TTLL8: variants seen among roughly 807,000 people sequenced by gnomAD.
TTLL8 encodes tubulin tyrosine ligase like 8.
A neutral mutation model predicts 77.8 loss-of-function variants in TTLL8; 65 were observed. The observed-to-expected ratio is 0.84, with a 90% CI of 0.68 to 1.03. TTLL8 has a LOEUF of 1.03. Ranked by LOEUF, TTLL8 falls within the 50% of genes least tolerant of loss-of-function variation. The probability of loss-of-function intolerance (pLI) is 0.00; values close to 1 mark genes in which losing one functional copy is unlikely to be tolerated. For missense variants in TTLL8, 910 were observed against 1,004.5 expected (o/e 0.91, Z 1.27); for synonymous variants, 402 against 422.8 (o/e 0.95, Z 0.60).
chr22:50,030,192 C>A (rs1453108919), intron 12 of TTLL8: 1 of 985,304 alleles, frequency 1.0e-6, no homozygotes, highest in Non-Finnish European at 1.2e-6. Flanking sequence ...GGGACCCCAC[C>A]ATCCACCTGG....
At chr22:50,047,329 C>A (rs1420212369) in intron 3 of TTLL8, 33 bp from the exon 6 acceptor site, 1 of 1,364,226 alleles carries the variant, frequency 7.3e-7, no homozygotes, top group Middle Eastern at 2.1e-4. Flanking sequence ...TGATGCCCAG[C>A]ATTCAAGGTT....
Position 50,048,674 on chromosome 22 carries a change from T to C in TTLL8, c.264+575A>G, listed in dbSNP as rs990983515. Among the ~76,000 whole-genome samples the C allele has an allele frequency of 2.6e-5, 4 of 152,340 alleles. No homozygotes were observed. In the South Asian group the frequency reaches 6.2e-4, roughly 24 times the overall value. On this transcript the variant is annotated intron_variant, in intron 3 of 13. Coordinates refer to ENST00000266182, the Ensembl canonical transcript of TTLL8. ...CATGTGGGAGGCGCCTCATCAAATC[T>C]GGGCCCATTTTTCTATTTGTCTTTT...
chr22:50,033,746 G>C (rs533681248), intron 9 of TTLL8, among the ~76,000 whole-genome samples: 109 of 152,336 alleles, frequency 7.2e-4, no homozygotes, highest in African/African-American at 2.1e-3. Context: ...TTAAAAGGGA[G>C]CCAGGAGGAT....
chr22:50,045,606 G>A (rs569091362), intron 5 of TTLL8, among the ~76,000 whole-genome samples: 7 of 152,262 alleles, frequency 4.6e-5, no homozygotes, highest in East Asian at 1.9e-4. Context: ...CTCCGACCAC[G>A]GAGCCGGCCT....
At chr22:50,055,753 T>C (rs2061467452), upstream of TTLL8, among the ~76,000 whole-genome samples, 1 of 151,128 alleles carries the variant, frequency 6.6e-6, no homozygotes, top group Non-Finnish European at 1.5e-5. Flanking sequence ...TCATCCACAG[T>C]GATGGAGACC....
exon 11 of TTLL8, chr22:50,032,046 G>A (rs779276461): frequency 3.7e-6 from 5 of 1,366,064 alleles, no homozygotes; most frequent in Admixed American, 3.8e-5. Context: ...CGGGCAGCAG[G>A]GGGCTGCGGC....
chr22:50,050,552 C>A (rs901168736), intron 1 of TTLL8, among the ~76,000 whole-genome samples: 2 of 152,008 alleles, frequency 1.3e-5, no homozygotes, highest in African/African-American at 4.8e-5. Flanking sequence ...ACTACTCCTG[C>A]TGCCCTCCTC....
chr22:50,045,351 A>G (rs374898282), exon 6 of TTLL8: 294 of 1,365,972 alleles, frequency 2.2e-4, no homozygotes, highest in Non-Finnish European at 2.7e-4. Context: ...CTGACCACCC[A>G]CTTGAGGATG....
At chr22:50,023,352 T>C (rs1443441220) in intron 12 of TTLL8, among the ~76,000 whole-genome samples, 1 of 152,188 alleles carries the variant, frequency 6.6e-6, no homozygotes, top group Non-Finnish European at 1.5e-5. Flanking sequence ...TCTATAGATT[T>C]GACACAATCT....
chr22:50,030,390 G>C (rs2294374), intron 12 of TTLL8, 40 bp downstream of exon 13: 1 of 1,267,270 alleles, frequency 7.9e-7, no homozygotes, highest in Non-Finnish European at 1.0e-6. Context: ...GCAGCAGGCG[G>C]CCCCCAAGCC....
upstream of TTLL8, among the ~76,000 whole-genome samples, chr22:50,057,664 TCAGGTCTGGGTTTTTG>T: frequency 2.5e-5 from 2 of 78,800 alleles, no homozygotes; most frequent in East Asian, 5.2e-4. Flanking sequence ...GGTTGGGAGA[TCAGGTCTGGGTTTTTG>T]GGGTCAGGTC....
chr22:50,057,990 A>T (rs1463119248), upstream of TTLL8, among the ~76,000 whole-genome samples: 1 of 151,298 alleles, frequency 6.6e-6, no homozygotes, highest in Non-Finnish European at 1.5e-5. Flanking sequence ...TTCCTAGGGT[A>T]AGGGGTCTAG....
Position 50,047,435 on chromosome 22 carries a change from G to A in TTLL8, c.265-139C>T, listed in dbSNP as rs2061419743. 8.5e-6 allele frequency: 5 copies of A among 591,518 alleles called. No individual in the cohort carries two copies. The South Asian group carries it at 8.7e-5, about 10-fold the overall frequency. The allele number at this position is 591,518 out of a possible 1,614,324, so 36.6% of individuals were successfully genotyped here. On this transcript the variant is annotated intron_variant, in intron 3 of 13. Coordinates refer to ENST00000266182, the Ensembl canonical transcript of TTLL8. ...GCCGGGCTCTGCTGCAGGCAGTAGT[G>A]CTCCTTGTGGGCCTCCTGCACATGG...
chr22:50,032,155 G>A (rs761309645), intron 10 of TTLL8, 46 bp from the exon 12 acceptor site: 2 of 1,313,088 alleles, frequency 1.5e-6, no homozygotes, highest in African/African-American at 1.5e-5. Context: ...CTTGGCCCAG[G>A]AGGGCACCCA....
intron 3 of TTLL8, among the ~76,000 whole-genome samples, chr22:50,048,082 G>T (rs1280333389): frequency 6.6e-6 from 1 of 151,842 alleles, no homozygotes; most frequent in Non-Finnish European, 1.5e-5. Flanking sequence ...GGGCAACAGA[G>T]TGAGACTCCA....
At chr22:50,046,823 G>T (rs1020086245) in intron 4 of TTLL8, among the ~76,000 whole-genome samples, 1 of 152,210 alleles carries the variant, frequency 6.6e-6, no homozygotes, top group Admixed American at 6.5e-5. Flanking sequence ...GGGAGTGCCC[G>T]GTGCTGGGGG....
chr22:50,032,589 C>T (rs146322976), intron 10 of TTLL8, among the ~76,000 whole-genome samples: 33 of 152,304 alleles, frequency 2.2e-4, no homozygotes, highest in African/African-American at 7.5e-4. Flanking sequence ...GTCTGTGTCG[C>T]GTGACTCTCA....
chr22:50,040,170 T>C (rs796851586), intron 8 of TTLL8, among the ~76,000 whole-genome samples: 54 of 126,690 alleles, frequency 4.3e-4, no homozygotes, highest in African/African-American at 1.5e-3. Context: ...ATGGACCTCA[T>C]GTGTGCCAGC....
intron 3 of TTLL8, among the ~76,000 whole-genome samples, chr22:50,048,360 T>G (rs1601936286): frequency 6.6e-6 from 1 of 152,062 alleles, no homozygotes; most frequent in East Asian, 1.9e-4. Context: ...TAGGATTAGG[T>G]CATGAGCCTG....
Sources: gnomAD v4.1 joint callset for allele counts (sites outside exome capture counted in the v4.1 genomes callset) on GRCh38, gnomAD v4.1.1 for gene constraint, MANE v1.5 for transcripts, NCBI Gene and HGNC (gene_info 2026-07-23, HGNC 2026-07-21) for gene names.